Variants in SOX6 observed in about 807,000 individuals in gnomAD.
SOX6 encodes the protein SRY-box transcription factor 6.
Under a neutral mutation model 97.8 loss-of-function variants are expected in SOX6, and 11 were observed. The observed-to-expected ratio is 0.11, with a 90% CI of 0.07 to 0.19. SOX6 has a LOEUF of 0.19. Among genes scored for constraint, SOX6 ranks in the 10% least tolerant of loss-of-function variants. SOX6 has a pLI of 1.00. For synonymous variants in SOX6, 360 were observed against 371.4 expected (o/e 0.97, Z 0.35); for missense variants, 810 against 1,039.5 (o/e 0.78, Z 3.04).
rs1242589231 is a variant in SOX6 at position 16,188,316 on chromosome 11, AG to A, written c.536-1362del. On this transcript the variant is annotated intron_variant, in intron 4 of 15. Transcript: ENST00000683767. ...AATGATGGCCTAAAATCAAAATTAA[AG>A]GAAAAATAAAGTTGTTAGAAAGTGT... Among the ~76,000 whole-genome samples, 6 of 152,260 alleles carry A rather than the reference AG, an allele frequency of 3.9e-5. No homozygotes were observed. The South Asian group carries it at 1.2e-3, about 32-fold the overall frequency.
Position 16,300,764 on chromosome 11 carries a change from A to G in SOX6, c.445+17682T>C, listed in dbSNP as rs1458898856. ...TCACTTCTACCTAGGCCACCTCAAC[A>G]CTTCTAGATCTACATGTCTAAGAAG... On this transcript the variant is annotated intron_variant, in intron 3 of 15. Coordinates refer to ENST00000683767, the MANE Select transcript of SOX6 (RefSeq NM_001367873.1). This position sits in a 1 kb window ranked among gnomAD's most constrained non-coding sequence, Gnocchi z 4.1. Among the ~76,000 whole-genome samples the G allele has an allele frequency of 2.0e-5, 3 of 151,840 alleles. No individual in the cohort carries two copies. The highest frequency in any genetic ancestry group is 6.6e-5 in the Admixed American group (1 of 15,256).
intron 9 of SOX6, among the ~76,000 whole-genome samples, chr11:16,094,694 C>A (rs144074246): frequency 1.3e-5 from 2 of 151,814 alleles, no homozygotes; most frequent in African/African-American, 4.8e-5. Flanking sequence ...TCAGAATGCC[C>A]AGAAATGTGG....
At chr11:16,670,989 A>C (rs1480148666) in intron 3 of SOX6, among the ~76,000 whole-genome samples, 1 of 152,172 alleles carries the variant, frequency 6.6e-6, no homozygotes, top group Non-Finnish European at 1.5e-5. Flanking sequence ...CAATACATCT[A>C]AGTGTCACCT....
intron 1 of SOX6, among the ~76,000 whole-genome samples, chr11:16,431,601 G>C (rs1275015674): frequency 1.3e-5 from 2 of 151,400 alleles, no homozygotes; most frequent in Non-Finnish European, 2.9e-5. Context: ...AACTAGATGA[G>C]GAAAAATAAA....
intron 14 of SOX6, among the ~76,000 whole-genome samples, chr11:15,987,658 G>A (rs1853899666): frequency 6.8e-6 from 1 of 147,708 alleles, no homozygotes; most frequent in South Asian, 2.1e-4. Flanking sequence ...CTTCAAGTTA[G>A]ATATAAAACT....
At chr11:16,348,814 T>A (rs1856832505) in intron 1 of SOX6, among the ~76,000 whole-genome samples, 1 of 152,196 alleles carries the variant, frequency 6.6e-6, no homozygotes, top group Admixed American at 6.6e-5. Context: ...AATTTTTCTT[T>A]AACAGAGAGT....
intron 4 of SOX6, among the ~76,000 whole-genome samples, chr11:16,591,621 T>C (rs966159271): frequency 1.3e-5 from 2 of 152,126 alleles, no homozygotes; most frequent in Non-Finnish European, 2.9e-5. Context: ...ATTTAAAAAT[T>C]GGTATCAGAA....
At chr11:16,705,382 T>C (rs1008453138) in intron 3 of SOX6, among the ~76,000 whole-genome samples, 3 of 152,132 alleles carry the variant, frequency 2.0e-5, no homozygotes, top group Admixed American at 6.5e-5. Flanking sequence ...CCCAATACTT[T>C]GGAAGGTCGA....
intron 4 of SOX6, among the ~76,000 whole-genome samples, chr11:16,522,906 A>C (rs11023978): frequency 1.3e-5 from 2 of 151,934 alleles, no homozygotes; most frequent in African/African-American, 2.4e-5. Flanking sequence ...AATGCTAAAG[A>C]GATCAATTCA....
chr11:16,336,185 A>G (rs1856454051), intron 2 of SOX6, among the ~76,000 whole-genome samples: 1 of 152,154 alleles, frequency 6.6e-6, no homozygotes, highest in Non-Finnish European at 1.5e-5. Context: ...CCCACTTACA[A>G]TCATCACATT....
chr11:15,978,239 C>G (rs1485872797), intron 15 of SOX6, among the ~76,000 whole-genome samples: 1 of 152,042 alleles, frequency 6.6e-6, no homozygotes, highest in East Asian at 1.9e-4. Context: ...TAAAGCAAAA[C>G]TCTTTAAAAA....
chr11:16,545,154 AAATGATTG>A (rs1297352665), intron 4 of SOX6, among the ~76,000 whole-genome samples: 1 of 152,120 alleles, frequency 6.6e-6, no homozygotes, highest in African/African-American at 2.4e-5. Flanking sequence ...ATAGCAATAG[AAATGATTG>A]AAGTTGAAGC....
intron 4 of SOX6, among the ~76,000 whole-genome samples, chr11:16,230,281 A>T (rs911796270): frequency 1.2e-4 from 18 of 150,404 alleles, no homozygotes; most frequent in Non-Finnish European, 2.1e-4. Flanking sequence ...CTATTACTTA[A>T]TATTATTCTT....
chr11:16,644,591 T>C (rs1413940309), intron 3 of SOX6, among the ~76,000 whole-genome samples: 1 of 151,196 alleles, frequency 6.6e-6, no homozygotes, highest in East Asian at 1.9e-4. Flanking sequence ...ATTGGGGGGG[T>C]AGAGATTTAA....
chr11:16,348,525 T>C (rs1006668742), intron 1 of SOX6, among the ~76,000 whole-genome samples: 1 of 152,150 alleles, frequency 6.6e-6, no homozygotes, highest in African/African-American at 2.4e-5. Context: ...AATAATAAGA[T>C]TTATTCATCT....
intron 4 of SOX6, among the ~76,000 whole-genome samples, chr11:16,554,843 C>A (rs1433443937): frequency 6.6e-6 from 1 of 151,830 alleles, no homozygotes; most frequent in East Asian, 1.9e-4. Context: ...AGAAAAAAAA[C>A]CTTTGTACCT....
At chr11:16,035,472 GTTA>G (rs1040108166) in intron 12 of SOX6, among the ~76,000 whole-genome samples, 1 of 152,134 alleles carries the variant, frequency 6.6e-6, no homozygotes, top group Non-Finnish European at 1.5e-5. Flanking sequence ...TTTAGTGATT[GTTA>G]TTATTATGTT....
At chr11:15,997,216 A>C (rs2119861003) in intron 13 of SOX6, among the ~76,000 whole-genome samples, 1 of 152,362 alleles carries the variant, frequency 6.6e-6, no homozygotes, top group South Asian at 2.1e-4. Context: ...CTGATAGCTA[A>C]TAAATCAATT....
intron 13 of SOX6, among the ~76,000 whole-genome samples, chr11:16,006,528 T>C (rs1233024009): frequency 6.6e-6 from 1 of 152,098 alleles, no homozygotes; most frequent in Non-Finnish European, 1.5e-5. Context: ...TCTATCTGCT[T>C]AATGTCTGTG....
Sources: gnomAD v4.1 joint callset for allele counts (sites outside exome capture counted in the v4.1 genomes callset) on GRCh38, gnomAD v4.1.1 for gene constraint, Gnocchi (gnomAD v3.1) non-coding constraint, MANE v1.5 for transcripts, NCBI Gene and HGNC (gene_info 2026-07-23, HGNC 2026-07-21) for gene names.